The following ADAMTS13 variants were observed in gnomAD, a reference collection of about 807,000 sequenced individuals.
ADAMTS13 encodes the protein A disintegrin and metalloproteinase with thrombospondin motifs 13.
Under a neutral mutation model 155.1 loss-of-function variants are expected in ADAMTS13, and 110 were observed. The observed-to-expected ratio is 0.71, with a 90% CI of 0.61 to 0.83. The LOEUF is 0.83. ADAMTS13 is among the 40% of genes least tolerant of loss of function. The pLI, the probability that ADAMTS13 is intolerant of heterozygous loss-of-function variation, is 0.00. For synonymous variants in ADAMTS13, 758 were observed against 756.4 expected (o/e 1.00, Z -0.03); for missense variants, 1,707 against 1,891.7 (o/e 0.90, Z 1.81).
At chr9:133,423,191 C>A (rs1554784087) in intron 2 of ADAMTS13, 24 bp downstream of exon 2, 1 of 1,609,646 alleles carries the variant, frequency 6.2e-7, no homozygotes, top group Non-Finnish European at 8.5e-7. Context: ...TGTCTTCTCT[C>A]CCGGGGGGAG....
At position 133,441,308 on chromosome 9, in the gene ADAMTS13, C is replaced by G. The variant is rs1554790674; in HGVS notation, c.1968+783C>G. Among the ~76,000 whole-genome samples, 3 of 152,158 alleles carry G rather than the reference C, an allele frequency of 2.0e-5. No individual in the cohort carries two copies. Among genetic ancestry groups the G allele is most frequent in the Non-Finnish European group, 2.9e-5 (2 of 68,024 alleles). On this transcript the variant is annotated intron_variant, in intron 16 of 28. Coordinates refer to ENST00000355699, the MANE Select transcript of ADAMTS13 (RefSeq NM_139027.6). The surrounding 1 kb of genome is among the most constrained non-coding windows in gnomAD (Gnocchi z 5.0). ...CAGGCCAGGCCGGGCCAAAGCAAGC[C>G]CCTGTGAGCGGCTTATCCCTTCTCT... is the stretch of plus-strand genomic sequence containing the variant.
chr9:133,456,940 A>T lies in ADAMTS13; in HGVS notation c.3724+221A>T. ...TCCCTCCTTTTTGGGACCGTGCAGCAAGATGGACGGATGTGGGACATGGTC... is the reference window on the plus strand; with the variant it reads ...TCCCTCCTTTTTGGGACCGTGCAGCTAGATGGACGGATGTGGGACATGGTC... On this transcript the variant is annotated intron_variant, in intron 27 of 28. Coordinates refer to ENST00000355699, the MANE Select transcript of ADAMTS13 (RefSeq NM_139027.6). The surrounding 1 kb of genome is among the most constrained non-coding windows in gnomAD (Gnocchi z 4.4). The T allele has an allele frequency of 1.4e-6, 1 of 691,620 alleles. No homozygotes were observed. The highest frequency in any genetic ancestry group is 2.6e-6 in the Non-Finnish European group (1 of 382,130). 42.8% of individuals were successfully genotyped at this position (691,620 alleles called of 1,614,324 possible).
intron 19 of ADAMTS13, 23 bp from the exon 20 acceptor site, chr9:133,444,840 T>G: frequency 6.2e-7 from 1 of 1,611,740 alleles, no homozygotes; most frequent in South Asian, 1.1e-5. Context: ...CAGGGCCTGA[T>G]GACTGTCTCA....
chr9:133,420,030 G>T (rs1042751346), upstream of ADAMTS13, among the ~76,000 whole-genome samples: 1 of 151,952 alleles, frequency 6.6e-6, no homozygotes, highest in Non-Finnish European at 1.5e-5. Flanking sequence ...TCAGCCTCCC[G>T]AGTAGCTGGG....
intron 1 of ADAMTS13, chr9:133,414,846 AGCC>A: frequency 6.2e-7 from 1 of 1,614,108 alleles, no homozygotes; most frequent in Non-Finnish European, 8.5e-7. Flanking sequence ...GAAGGAACAG[AGCC>A]CCTGCTGGCC....
At chr9:133,431,106 A>G (rs1165917499) in intron 8 of ADAMTS13, among the ~76,000 whole-genome samples, 1 of 151,976 alleles carries the variant, frequency 6.6e-6, no homozygotes, top group Non-Finnish European at 1.5e-5. Flanking sequence ...CTGGGACTAC[A>G]GGCACATGCC....
intron 19 of ADAMTS13, among the ~76,000 whole-genome samples, chr9:133,443,992 C>CCCCT (rs1462764114): frequency 2.6e-5 from 4 of 152,136 alleles, no homozygotes; most frequent in Non-Finnish European, 5.9e-5. Flanking sequence ...CAGGGCAAGT[C>CCCCT]CCCTCCTCTG....
intron 1 of ADAMTS13, among the ~76,000 whole-genome samples, chr9:133,422,824 C>T (rs1554783872): frequency 1.3e-5 from 2 of 152,000 alleles, no homozygotes; most frequent in South Asian, 2.1e-4. Context: ...CTCCCTTCCT[C>T]TCCCTGTCTC....
chr9:133,445,766 C>A lies in ADAMTS13; in HGVS notation c.2678C>A (p.Ala893Asp). 6.2e-7 allele frequency: 1 copy of A among 1,608,952 alleles called. No individual in the cohort carries two copies. The highest frequency in any genetic ancestry group is 8.5e-7 in the Non-Finnish European group (1 of 1,176,862). ...PWGSIRTGAQ[A>D]AHVWTPAAGS... ...GGCAGCATCAGGACGGGGGCTCAAG[C>A]TGCACACGTGTGGACCCCTGCGGCA... is the stretch of plus-strand genomic sequence containing the variant. The change falls in exon 21 of 29, where the codon GCT becomes GAT. Residue 893 changes from alanine (A) to aspartate (D), a missense_variant. By Grantham distance (126) the Ala-to-Asp change is moderately radical. This residue lies in a region of ADAMTS13 where 961 missense variants were observed against 1,107.9 expected (regional missense o/e 0.87). Coordinates refer to ENST00000355699, the MANE Select transcript of ADAMTS13 (RefSeq NM_139027.6). This position sits in a 1 kb window ranked among gnomAD's most constrained non-coding sequence, Gnocchi z 5.0.
In ADAMTS13 at chr9:133,445,894, C is replaced by A; in HGVS notation, c.2731+75C>A. On this transcript the variant is annotated intron_variant, in intron 21 of 28. Transcript: ENST00000355699. This position sits in a 1 kb window ranked among gnomAD's most constrained non-coding sequence, Gnocchi z 5.0. ...CTGTCCACTTGCATCTTGCCTCGTT[C>A]TGAAAAGCATTTGAGGTGGATTGCA... 6.6e-7 allele frequency: 1 copy of A among 1,505,138 alleles called. No homozygotes were observed. Among genetic ancestry groups the A allele is most frequent in the Non-Finnish European group, 8.9e-7 (1 of 1,126,716 alleles). 93.2% of individuals were successfully genotyped at this position (1,505,138 alleles called of 1,614,324 possible).
rs141506094 is a variant in ADAMTS13 at position 133,441,317 on chromosome 9, C to T, written c.1968+792C>T. The stretch of plus-strand genomic sequence containing the variant: ...CCGGGCCAAAGCAAGCCCCTGTGAG[C>T]GGCTTATCCCTTCTCTTCCCCTGAT... On this transcript the variant is annotated intron_variant, in intron 16 of 28. Coordinates refer to ENST00000355699, the MANE Select transcript of ADAMTS13 (RefSeq NM_139027.6). This position sits in a 1 kb window ranked among gnomAD's most constrained non-coding sequence, Gnocchi z 5.0. 2.6e-5 allele frequency among the ~76,000 whole-genome samples: 4 copies of T among 152,272 alleles called. No individual in the cohort carries two copies. Among genetic ancestry groups the T allele is most frequent in the Non-Finnish European group, 4.4e-5 (3 of 68,010 alleles).
At chr9:133,449,198 T>A (rs73550863) in intron 22 of ADAMTS13, among the ~76,000 whole-genome samples, 8 of 152,204 alleles carry the variant, frequency 5.3e-5, no homozygotes, top group African/African-American at 1.7e-4. Context: ...TCTGGGATGC[T>A]GTGGGTGCAC....
chr9:133,443,507 C>A lies in ADAMTS13; in HGVS notation c.2366C>A (p.Ala789Asp). Residue 789 changes from alanine (A) to aspartate (D), a missense_variant, in exon 19 of 29, where the codon GCC becomes GAC. Ala to Asp is a moderately radical substitution (Grantham distance 126). This residue lies in a region of ADAMTS13 where 961 missense variants were observed against 1,107.9 expected (regional missense o/e 0.87). Coordinates refer to ENST00000355699, the MANE Select transcript of ADAMTS13 (RefSeq NM_139027.6). ...TLPPARCRAGAQQPAVALETC... is the reference protein window; with the variant it reads ...TLPPARCRAGDQQPAVALETC... ...CCCCCAGCCCGGTGCAGAGCAGGGG[C>A]CCAGCAGCCAGCTGTGGCGCTGGAA... is the stretch of plus-strand genomic sequence containing the variant. 6.3e-7 allele frequency: 1 copy of A among 1,582,684 alleles called. No individual in the cohort carries two copies.
At chr9:133,446,501 TGTGA>T (rs1367817920) in intron 21 of ADAMTS13, among the ~76,000 whole-genome samples, 1 of 152,258 alleles carries the variant, frequency 6.6e-6, no homozygotes, top group African/African-American at 2.4e-5. Context: ...TTGTAGCATG[TGTGA>T]GTGTTTCCTT....
intron 19 of ADAMTS13, among the ~76,000 whole-genome samples, chr9:133,444,535 G>A (rs906901434): frequency 6.6e-6 from 1 of 152,078 alleles, no homozygotes; most frequent in Non-Finnish European, 1.5e-5. Flanking sequence ...TCCAACTCCC[G>A]GGCTCAAGCA....
In ADAMTS13 at chr9:133,425,873, C is replaced by T. The variant is rs181516029; in HGVS notation, c.415-65C>T. 2.0e-3 allele frequency: 3,219 copies of T among 1,604,054 alleles called. 81 individuals carry two copies. The South Asian group carries it at 0.034, about 17-fold the overall frequency. ...TAGGAGGACTAACTGGGAAACAAAC[C>T]GACCGCAGTCAGCACCGTGCCTGGT... On this transcript the variant is annotated intron_variant, in intron 4 of 28. Coordinates refer to ENST00000355699, the MANE Select transcript of ADAMTS13 (RefSeq NM_139027.6). The surrounding 1 kb of genome is among the most constrained non-coding windows in gnomAD (Gnocchi z 4.6).
At chr9:133,455,470 T>C in intron 25 of ADAMTS13, 35 bp downstream of exon 25, 3 of 1,612,540 alleles carry the variant, frequency 1.9e-6, no homozygotes, top group Non-Finnish European at 2.5e-6. Context: ...AAGAAGCCGC[T>C]GCTCCAGGAC....
At chr9:133,418,416 G>A (rs895146718), upstream of ADAMTS13, among the ~76,000 whole-genome samples, 2 of 152,188 alleles carry the variant, frequency 1.3e-5, no homozygotes, top group Non-Finnish European at 2.9e-5. Flanking sequence ...CACGTACAGT[G>A]GGGAAACTGA....
Position 133,440,668 on chromosome 9 carries a change from G to T in ADAMTS13, c.1968+143G>T. Reference sequence around the variant, plus strand: ...TTACAGGGGACCCACTATGTGTTGGGCCCTGTGCTAGGCAAAATGTAGCTA... The same window carrying T: ...TTACAGGGGACCCACTATGTGTTGGTCCCTGTGCTAGGCAAAATGTAGCTA... On this transcript the variant is annotated intron_variant, in intron 16 of 28. Transcript: ENST00000355699. This position sits in a 1 kb window ranked among gnomAD's most constrained non-coding sequence, Gnocchi z 4.3. 1.9e-6 allele frequency: 2 copies of T among 1,060,472 alleles called. No homozygotes were observed. The highest frequency in any genetic ancestry group is 3.3e-5 in the South Asian group (2 of 60,106). The allele number at this position is 1,060,472 out of a possible 1,614,324, so 65.7% of individuals were successfully genotyped here. A position where few individuals can be genotyped will look rare whatever the true frequency, so the allele number is the denominator to read the frequency against.
Sources: allele counts gnomAD v4.1 joint callset (sites outside exome capture counted in the v4.1 genomes callset), GRCh38; gene constraint gnomAD v4.1.1; regional missense constraint gnomAD v4.1.1; non-coding constraint Gnocchi (gnomAD v3.1); transcripts MANE v1.5; gene names NCBI Gene and HGNC (gene_info 2026-07-23, HGNC 2026-07-21).